Variants in CDH18 observed in about 807,000 individuals in gnomAD.
CDH18 encodes the protein cadherin-18.
Under a neutral mutation model 67.9 loss-of-function variants are expected in CDH18, and 31 were observed. That is an observed-to-expected ratio of 0.46 (90% CI 0.34 to 0.62). The LOEUF (loss-of-function observed/expected upper bound fraction) is 0.62, where lower values mean the gene tolerates loss of function less well. CDH18 is among the 20% of genes least tolerant of loss of function. The probability of loss-of-function intolerance (pLI) is 0.01; values close to 1 mark genes in which losing one functional copy is unlikely to be tolerated. For synonymous variants in CDH18, 362 were observed against 347.2 expected, an observed-to-expected ratio of 1.04 and a Z score of -0.48; for missense variants, 890 against 975.5, an observed-to-expected ratio of 0.91 and a Z score of 1.17.
At chr5:19,685,256 T>C (rs1162859152) in intron 5 of CDH18, among the ~76,000 whole-genome samples, 2 of 152,216 alleles carry the variant, frequency 1.3e-5, no homozygotes, top group East Asian at 3.9e-4. Flanking sequence ...TGTTAAATGC[T>C]TTTAAATATA....
At chr5:20,553,028 CAG>C (rs553298338) in intron 1 of CDH18, among the ~76,000 whole-genome samples, 85 of 152,254 alleles carry the variant, frequency 5.6e-4, no homozygotes, top group African/African-American at 2.0e-3. Context: ...GCTGGGATTA[CAG>C]GAGTGAGCCA....
At position 19,838,825 on chromosome 5, in the gene CDH18, T is replaced by C. The variant is rs1312498300; in HGVS notation, c.162A>G (p.Gly54=). 1 of 1,613,984 alleles carries C rather than the reference T, an allele frequency of 6.2e-7. No individual in the cohort carries two copies. Among genetic ancestry groups the C allele is most frequent in the Non-Finnish European group, 8.5e-7 (1 of 1,179,910 alleles). The change falls in exon 3 of 13, where the codon GGA becomes GGG. Residue 54 remains glycine, a synonymous_variant. Coordinates refer to ENST00000382275, the MANE Select transcript of CDH18 (RefSeq NM_004934.5). ...ETEVHHRPKR[G]WVWNQFFVLE... is the part of the protein sequence containing the mutation. ...AAACAAAGAACTGATTCCATACCCA[T>C]CCCCTTTTGGGACGATGATGGACTT... is the stretch of plus-strand genomic sequence containing the variant.
intron 1 of CDH18, among the ~76,000 whole-genome samples, chr5:20,541,455 T>C (rs182082167): frequency 2.6e-5 from 4 of 152,282 alleles, no homozygotes; most frequent in Admixed American, 2.0e-4. Flanking sequence ...TTTTACCTTT[T>C]ATACAATGAA....
At chr5:19,938,183 A>G (rs1017679750) in intron 2 of CDH18, among the ~76,000 whole-genome samples, 6 of 150,796 alleles carry the variant, frequency 4.0e-5, no homozygotes, top group Non-Finnish European at 8.9e-5. Flanking sequence ...ACCATGTTTC[A>G]TGGAAACTTG....
intron 2 of CDH18, among the ~76,000 whole-genome samples, chr5:20,032,071 A>G (rs1444124870): frequency 6.6e-6 from 1 of 152,060 alleles, no homozygotes; most frequent in Non-Finnish European, 1.5e-5. Flanking sequence ...AGCCCCTTTT[A>G]AAAAGCTTAT....
At chr5:20,154,759 C>T (rs1307519078) in intron 2 of CDH18, among the ~76,000 whole-genome samples, 4 of 152,134 alleles carry the variant, frequency 2.6e-5, no homozygotes, top group Non-Finnish European at 2.9e-5. Context: ...TGCTAACAAA[C>T]ACTTCCCTTC....
At chr5:20,511,924 A>C (rs1186945709) in intron 1 of CDH18, among the ~76,000 whole-genome samples, 3 of 152,182 alleles carry the variant, frequency 2.0e-5, no homozygotes, top group Admixed American at 6.6e-5. Context: ...GTTAATTAAC[A>C]ATTTTTATAA....
At chr5:19,880,661 G>A (rs559418211) in intron 2 of CDH18, among the ~76,000 whole-genome samples, 1 of 152,192 alleles carries the variant, frequency 6.6e-6, no homozygotes, top group South Asian at 2.1e-4. Flanking sequence ...ATGAACTACA[G>A]TAAATTATTC....
In CDH18 at chr5:19,591,197, C is replaced by T; in HGVS notation, c.859G>A (p.Val287Ile). ...GCATCATTTGCCTTGATTTTCCCAA[C>T]AGCTGAACCAACTTGAGCTGACTCA... ...VPESAQVGSA[V>I]GKIKANDADT... The change falls in exon 7 of 13, where the codon GTT becomes ATT. Residue 287 changes from valine to isoleucine, a missense_variant. Around this residue, in one of 2 missense-constraint regions of CDH18, gnomAD observed 656 missense variants for 668.1 expected, o/e 0.98. Transcript: ENST00000382275. The T allele has an allele frequency of 6.2e-7, 1 of 1,612,430 alleles. No homozygotes were observed. Among genetic ancestry groups the T allele is most frequent in the South Asian group, 1.1e-5 (1 of 90,898 alleles).
intron 1 of CDH18, among the ~76,000 whole-genome samples, chr5:20,376,216 C>G (rs1385220327): frequency 2.0e-5 from 3 of 149,720 alleles, no homozygotes; most frequent in Non-Finnish European, 3.0e-5. Flanking sequence ...GCCTCAGCCT[C>G]CCGAGTAGCT....
At chr5:20,061,720 A>G (rs555892241) in intron 2 of CDH18, among the ~76,000 whole-genome samples, 1 of 152,356 alleles carries the variant, frequency 6.6e-6, no homozygotes, top group South Asian at 2.1e-4. Context: ...AAATAGTGGA[A>G]TGACTTATCC....
In CDH18 at chr5:19,473,149, T is replaced by C; in HGVS notation, c.*77A>G. 3 of 1,545,734 alleles carry C rather than the reference T, an allele frequency of 1.9e-6. No individual in the cohort carries two copies. Among genetic ancestry groups the C allele is most frequent in the Middle Eastern group, 1.8e-4 (1 of 5,698 alleles). On this transcript the variant is annotated 3_prime_UTR_variant, in exon 13 of 13. Transcript: ENST00000382275. Reference sequence around the variant, plus strand: ...TCAGTTCCAAGTACTGTTTCCACACTTCTTCCTTGTCATTGCTGAGGTTGT... The same window carrying C: ...TCAGTTCCAAGTACTGTTTCCACACCTCTTCCTTGTCATTGCTGAGGTTGT...
chr5:19,473,394 AAG>A lies in CDH18; in HGVS notation c.2203_2204del (p.Leu735SerfsTer6), dbSNP rs1737881326. 3.1e-6 allele frequency: 5 copies of A among 1,613,756 alleles called. No homozygotes were observed. The highest frequency in any genetic ancestry group is 1.3e-5 in the African/African-American group (1 of 74,886). ...TCTGACCCTCATAGGCATAAGTCTG[AAG>A]AGAGTCATAAGGGGGAACGCTAGGG... is the stretch of plus-strand genomic sequence containing the variant. ...LDPSVPPYDS[L>X]QTYAYEGQRS... On this transcript the variant is annotated frameshift_variant, in exon 13 of 13. Transcript: ENST00000382275. LOFTEE classifies it high-confidence loss of function.
chr5:20,233,769 T>A (rs1048106408), intron 2 of CDH18, among the ~76,000 whole-genome samples: 1 of 152,126 alleles, frequency 6.6e-6, no homozygotes, highest in Non-Finnish European at 1.5e-5. Flanking sequence ...ATCTGAAACA[T>A]CTTAGTGACA....
intron 1 of CDH18, among the ~76,000 whole-genome samples, chr5:20,448,282 CT>C (rs750043009): frequency 0.052 from 7,517 of 144,748 alleles, 223 homozygotes; most frequent in Non-Finnish European, 0.071. Context: ...GCCACATTTT[CT>C]TTTTTTTTTT....
chr5:19,608,152 A>T (rs1162323602), intron 6 of CDH18, among the ~76,000 whole-genome samples: 1 of 151,812 alleles, frequency 6.6e-6, no homozygotes, highest in Non-Finnish European at 1.5e-5. Flanking sequence ...AACTTGAATG[A>T]AATTTACATA....
At chr5:19,511,041 A>G (rs1169665732) in intron 10 of CDH18, among the ~76,000 whole-genome samples, 1 of 151,982 alleles carries the variant, frequency 6.6e-6, no homozygotes, top group Non-Finnish European at 1.5e-5. Flanking sequence ...TGAACTCCTG[A>G]CCTCAGATGA....
At chr5:19,618,215 T>C (rs1001994629) in intron 5 of CDH18, among the ~76,000 whole-genome samples, 5 of 152,008 alleles carry the variant, frequency 3.3e-5, no homozygotes, top group Non-Finnish European at 4.4e-5. Flanking sequence ...TTCTTTCTTT[T>C]TTTTTTTTGA....
intron 2 of CDH18, among the ~76,000 whole-genome samples, chr5:20,187,959 T>C (rs1003427855): frequency 5.3e-5 from 8 of 151,876 alleles, no homozygotes; most frequent in South Asian, 4.1e-4. Flanking sequence ...TTCCTAAAAA[T>C]TGCCAACTGA....
Sources: allele counts gnomAD v4.1 joint callset (sites outside exome capture counted in the v4.1 genomes callset), GRCh38; gene constraint gnomAD v4.1.1; regional missense constraint gnomAD v4.1.1; transcripts MANE v1.5; gene names NCBI Gene and HGNC (gene_info 2026-07-23, HGNC 2026-07-21).